CCDC158: variants seen among roughly 807,000 people sequenced by gnomAD.
The protein encoded by CCDC158 is coiled-coil domain-containing protein 158.
CCDC158 carries 116 observed loss-of-function variants against 138.6 expected under a neutral mutation model. That is an observed-to-expected ratio of 0.84 (90% CI 0.72 to 0.98). The LOEUF is 0.98. Among genes scored for constraint, CCDC158 ranks in the 50% least tolerant of loss-of-function variants. The pLI, the probability that CCDC158 is intolerant of heterozygous loss-of-function variation, is 0.00. For missense variants in CCDC158, 1,265 were observed against 1,306.1 expected (o/e 0.97, Z 0.48); for synonymous variants, 436 against 442.4 (o/e 0.99, Z 0.18).
At chr4:76,323,127 T>C (rs1720191302) in intron 24 of CCDC158, among the ~76,000 whole-genome samples, 175 bp downstream of exon 24, 1 of 152,182 alleles carries the variant, frequency 6.6e-6, no homozygotes, top group Non-Finnish European at 1.5e-5. Context: ...GACCTGCCCA[T>C]GGTCACACAA....
chr4:76,375,617 G>A (rs531742492), intron 9 of CCDC158: 25 of 702,796 alleles, frequency 3.6e-5, no homozygotes, highest in African/African-American at 2.4e-4. Flanking sequence ...GTCAAAAAGC[G>A]AAAGTTAAGG....
intron 21 of CCDC158, among the ~76,000 whole-genome samples, chr4:76,330,108 T>C (rs540398952): frequency 1.3e-5 from 2 of 152,300 alleles, no homozygotes; most frequent in East Asian, 3.9e-4. Context: ...AGAGCTTTAA[T>C]TATCTCAGGG....
intron 3 of CCDC158, 125 bp downstream of exon 3, chr4:76,403,013 A>C (rs1357653871): frequency 1.5e-6 from 1 of 659,246 alleles, no homozygotes; most frequent in Non-Finnish European, 2.6e-6. Context: ...ACAATATGGT[A>C]GACATTCATG....
At chr4:76,337,908 A>T (rs1327171959) in intron 18 of CCDC158, among the ~76,000 whole-genome samples, 1 of 152,172 alleles carries the variant, frequency 6.6e-6, no homozygotes, top group African/African-American at 2.4e-5. Flanking sequence ...AAGGGTCCCC[A>T]AACCCTGGAC....
chr4:76,317,987 C>A (rs12649105), intron 24 of CCDC158, among the ~76,000 whole-genome samples: 89,117 of 151,864 alleles, frequency 0.59, 26,950 homozygotes, highest in East Asian at 0.78. Flanking sequence ...ATTTATCATA[C>A]CCTCTAGGAT....
chr4:76,343,296 A>G (rs1722233614), intron 18 of CCDC158, among the ~76,000 whole-genome samples: 1 of 152,170 alleles, frequency 6.6e-6, no homozygotes, highest in Non-Finnish European at 1.5e-5. Flanking sequence ...CCTTCAATAA[A>G]AAAGCATTAC....
At chr4:76,400,012 T>C (rs1302256996) in intron 3 of CCDC158, among the ~76,000 whole-genome samples, 1 of 152,128 alleles carries the variant, frequency 6.6e-6, no homozygotes, top group East Asian at 1.9e-4. Flanking sequence ...AGGACCAGCA[T>C]AGGGCTTCTA....
At chr4:76,407,431 A>G (rs1364420203) in intron 2 of CCDC158, 4 of 151,540 alleles carry the variant, frequency 2.6e-5, no homozygotes, top group Middle Eastern at 3.4e-3. Context: ...CTACTTGAGG[A>G]AAAAAAAACC....
chr4:76,403,133 C>T lies in CCDC158; in HGVS notation c.70+5G>A, dbSNP rs1728549345. The T allele has an allele frequency of 1.3e-6, 2 of 1,595,086 alleles. No individual in the cohort carries two copies. Among genetic ancestry groups the T allele is most frequent in the Non-Finnish European group, 1.7e-6 (2 of 1,167,750 alleles). On this transcript the variant is annotated splice_donor_5th_base_variant and intron_variant, in intron 3 of 24. Transcript: ENST00000682701. ...TCCCCATTTTGTTTTATAAACAGCA[C>T]ATACCTCCATTAGATGTGACACCAC...
chr4:76,353,404 T>G lies in CCDC158; in HGVS notation c.2287-123A>C, dbSNP rs1038011818. 5 of 698,862 alleles carry G rather than the reference T, an allele frequency of 7.2e-6. No homozygotes were observed. The Admixed American group carries it at 1.3e-4, about 18-fold the overall frequency. The allele number at this position is 698,862 out of a possible 1,614,324, so 43.3% of individuals were successfully genotyped here. A position where few individuals can be genotyped will look rare whatever the true frequency, so the allele number is the denominator to read the frequency against. On this transcript the variant is annotated intron_variant, in intron 15 of 24. Transcript: ENST00000682701. ...TAGGTAAGTTTAATTTATATGCCAT[T>G]TAATTGCTTCTGAGTTGTGGTTGGG... is the stretch of plus-strand genomic sequence containing the variant.
intron 24 of CCDC158, among the ~76,000 whole-genome samples, chr4:76,320,115 T>C (rs1719862602): frequency 6.6e-6 from 1 of 152,190 alleles, no homozygotes; most frequent in Non-Finnish European, 1.5e-5. Context: ...AAAATCAATG[T>C]ACACAAATCA....
In CCDC158 at chr4:76,332,492, C is replaced by G; in HGVS notation, c.2823-1G>C. 6.2e-7 allele frequency: 1 copy of G among 1,600,634 alleles called. No individual in the cohort carries two copies. The highest frequency in any genetic ancestry group is 8.5e-7 in the Non-Finnish European group (1 of 1,172,044). The stretch of plus-strand genomic sequence containing the variant: ...AATGCAATCTCTTACCCTATCCTCT[C>G]TGTATAGAAAATATAACTCTCAGTT... On this transcript the variant is annotated splice_acceptor_variant, in intron 19 of 24. Transcript: ENST00000682701. LOFTEE classifies it high-confidence loss of function.
intron 4 of CCDC158, among the ~76,000 whole-genome samples, chr4:76,395,764 A>T (rs1386006407): frequency 1.3e-5 from 2 of 152,194 alleles, no homozygotes; most frequent in Non-Finnish European, 2.9e-5. Context: ...TTAGACTGTT[A>T]ACTACTGGGA....
intron 15 of CCDC158, among the ~76,000 whole-genome samples, chr4:76,354,548 A>C (rs1723356156): frequency 6.6e-6 from 1 of 152,192 alleles, no homozygotes; most frequent in Non-Finnish European, 1.5e-5. Context: ...TGGATATACC[A>C]GAGAATATTT....
rs752214579 is a variant in CCDC158 at position 76,353,211 on chromosome 4, T to C, written c.2357A>G (p.Asn786Ser). The change falls in exon 16 of 25, where the codon AAC becomes AGC. Residue 786 changes from asparagine to serine, a missense_variant. Transcript: ENST00000682701. ...QELSTVATEK[N>S]KMAGELEVLR... ...AACTTCCAACTCCCCAGCCATCTTG[T>C]TTTTTTCTGTGGCAACAGTACTCAA... is the stretch of plus-strand genomic sequence containing the variant. 1.9e-6 allele frequency: 3 copies of C among 1,613,616 alleles called. No homozygotes were observed. The South Asian group carries it at 3.3e-5, about 18-fold the overall frequency.
chr4:76,382,839 A>G, intron 7 of CCDC158, 119 bp from the exon 8 acceptor site: 2 of 628,584 alleles, frequency 3.2e-6, no homozygotes, highest in Non-Finnish European at 5.4e-6. Context: ...GCTTTTGTAT[A>G]TGCTACTCTT....
chr4:76,358,584 A>G (rs909892143), intron 13 of CCDC158, among the ~76,000 whole-genome samples: 1 of 152,108 alleles, frequency 6.6e-6, no homozygotes, highest in African/African-American at 2.4e-5. Flanking sequence ...TTGATATTTC[A>G]TGGCTTCATG....
At chr4:76,371,385 A>T in intron 10 of CCDC158, 32 bp downstream of exon 10, 3 of 1,598,856 alleles carry the variant, frequency 1.9e-6, no homozygotes, top group Non-Finnish European at 2.6e-6. Context: ...TCCCAGAATT[A>T]GTCTTATTCA....
At chr4:76,353,462 C>T (rs765106390) in intron 15 of CCDC158, among the ~76,000 whole-genome samples, 181 bp from the exon 16 acceptor site, 37 of 152,004 alleles carry the variant, frequency 2.4e-4, no homozygotes, top group Non-Finnish European at 5.1e-4. Context: ...TGTACTCTCT[C>T]CTATTTTAAT....
Sources: gnomAD v4.1 joint callset for allele counts (sites outside exome capture counted in the v4.1 genomes callset) on GRCh38, gnomAD v4.1.1 for gene constraint, MANE v1.5 for transcripts, NCBI Gene and HGNC (gene_info 2026-07-23, HGNC 2026-07-21) for gene names.